ZNF407: variants seen among roughly 807,000 people sequenced by gnomAD.
The protein encoded by ZNF407 is zinc finger protein 407.
In ZNF407, 17 loss-of-function variants were observed where a neutral mutation model predicts 131.2. The observed-to-expected ratio is 0.13, with a 90% confidence interval of 0.09 to 0.19. ZNF407 has a LOEUF of 0.19. Ranked by LOEUF, ZNF407 falls within the 10% of genes least tolerant of loss-of-function variation. The pLI is 1.00. For synonymous variants in ZNF407, 1,156 were observed against 1,062.0 expected, an observed-to-expected ratio of 1.09 and a Z score of -1.72; for missense variants, 2,681 against 2,830.6, an observed-to-expected ratio of 0.95 and a Z score of 1.20.
intron 3 of ZNF407, among the ~76,000 whole-genome samples, chr18:74,772,326 A>ACAAC (rs1599141297): frequency 1.3e-5 from 2 of 152,308 alleles, no homozygotes; most frequent in East Asian, 3.9e-4. Context: ...TTATAGAAAA[A>ACAAC]CAACCCTATA....
chr18:74,849,064 T>TA (rs1272202391), intron 4 of ZNF407, among the ~76,000 whole-genome samples: 9 of 144,524 alleles, frequency 6.2e-5, no homozygotes, highest in South Asian at 2.2e-4. Flanking sequence ...TTTTTTTTTT[T>TA]TTATTTTTTA....
intron 3 of ZNF407, among the ~76,000 whole-genome samples, chr18:74,763,196 C>CTTTTTTTTTTTTTTTTTTTTTTTTT (rs71170316): frequency 5.6e-5 from 1 of 17,784 alleles, no homozygotes; most frequent in Non-Finnish European, 1.2e-4. Context: ...TTCTTAGGAC[C>CTTTTTTTTTTTTTTTTTTTTTTTTT]TTTTTTTTTT....
chr18:74,734,873 G>A (rs978775250), intron 3 of ZNF407, among the ~76,000 whole-genome samples: 1 of 152,014 alleles, frequency 6.6e-6, no homozygotes, highest in Non-Finnish European at 1.5e-5. Flanking sequence ...TAATGTCTAG[G>A]ATACCATAAA....
At chr18:74,719,683 G>A (rs962129819) in intron 3 of ZNF407, among the ~76,000 whole-genome samples, 4 of 152,196 alleles carry the variant, frequency 2.6e-5, no homozygotes, top group African/African-American at 9.7e-5. Flanking sequence ...GATTACGGGC[G>A]TGAGCCACTG....
chr18:74,911,373 C>A (rs1971667952), intron 7 of ZNF407, among the ~76,000 whole-genome samples: 1 of 152,254 alleles, frequency 6.6e-6, no homozygotes, highest in Non-Finnish European at 1.5e-5. Flanking sequence ...TCAAAAAAAT[C>A]TTGTTAGAAT....
chr18:74,972,781 G>A (rs147209506), intron 8 of ZNF407, among the ~76,000 whole-genome samples: 1 of 152,118 alleles, frequency 6.6e-6, no homozygotes, highest in African/African-American at 2.4e-5. Context: ...AAAAATGTAT[G>A]TTAGTATGGT....
chr18:75,063,685 C>T lies in ZNF407; in HGVS notation c.5964C>T (p.Ala1988=), dbSNP rs768791436. ...AGVAPPEASS[A]LDALLCAVTE... is the part of the protein sequence containing the mutation. ...TCGCTCCCCCCGAGGCATCCTCAGCCCTGGATGCATTGCTCTGTGCGGTCA... is the reference window on the plus strand; with the variant it reads ...TCGCTCCCCCCGAGGCATCCTCAGCTCTGGATGCATTGCTCTGTGCGGTCA... The change falls in exon 9 of 9, where the codon GCC becomes GCT. Residue 1988 remains alanine, a synonymous_variant. Coordinates refer to ENST00000299687, the MANE Select transcript of ZNF407 (RefSeq NM_017757.3). This position sits in a 1 kb window ranked among gnomAD's most constrained non-coding sequence, Gnocchi z 6.6. 1.2e-6 allele frequency: 2 copies of T among 1,611,510 alleles called. No homozygotes were observed. The highest frequency in any genetic ancestry group is 1.7e-6 in the Non-Finnish European group (2 of 1,179,462).
At chr18:74,944,067 A>G (rs749619191) in intron 8 of ZNF407, among the ~76,000 whole-genome samples, 6 of 152,178 alleles carry the variant, frequency 3.9e-5, no homozygotes, top group African/African-American at 1.2e-4. Flanking sequence ...TATATAATCC[A>G]TCTAATTATA....
At chr18:74,761,010 G>C (rs1969082964) in intron 3 of ZNF407, among the ~76,000 whole-genome samples, 1 of 151,970 alleles carries the variant, frequency 6.6e-6, no homozygotes, top group Non-Finnish European at 1.5e-5. Flanking sequence ...TCCCATTCTG[G>C]CTGTCCCTCC....
At chr18:74,733,233 G>T (rs1968335529) in intron 3 of ZNF407, among the ~76,000 whole-genome samples, 1 of 151,956 alleles carries the variant, frequency 6.6e-6, no homozygotes. Flanking sequence ...TTGAAATGCT[G>T]CAATAATTGT....
intron 3 of ZNF407, among the ~76,000 whole-genome samples, chr18:74,749,355 C>G (rs544004229): frequency 1.1e-3 from 170 of 152,274 alleles, no homozygotes; most frequent in Non-Finnish European, 1.7e-3. Flanking sequence ...CTGGAAAACA[C>G]TACTTCATCA....
At chr18:74,643,146 T>C (rs1474640706) in intron 3 of ZNF407, among the ~76,000 whole-genome samples, 6 of 151,978 alleles carry the variant, frequency 3.9e-5, no homozygotes, top group Non-Finnish European at 8.8e-5. Flanking sequence ...GTAAAAAACA[T>C]AAAAAAGTGC....
At chr18:74,802,273 C>T (rs1970032860) in intron 4 of ZNF407, among the ~76,000 whole-genome samples, 1 of 152,070 alleles carries the variant, frequency 6.6e-6, no homozygotes, top group Non-Finnish European at 1.5e-5. Context: ...ATTTTAGTGG[C>T]CTTTTAACCT....
At position 74,603,579 on chromosome 18, in the gene ZNF407, C is replaced by T. The variant is rs986074431; in HGVS notation, c.-54+5642C>T. Among the ~76,000 whole-genome samples the T allele has an allele frequency of 8.5e-5, 13 of 152,336 alleles. No homozygotes were observed. In the Middle Eastern group the frequency reaches 0.01, roughly 120 times the overall value. ...AAGGCACCTTTCATAAATTCTGTAC[C>T]GAGGAAGTAGCTTAGGCTTAGGTCT... On this transcript the variant is annotated intron_variant, in intron 1 of 8. Transcript: ENST00000299687.
intron 4 of ZNF407, among the ~76,000 whole-genome samples, chr18:74,795,884 T>G (rs1969909410): frequency 6.6e-6 from 1 of 152,230 alleles, no homozygotes; most frequent in Non-Finnish European, 1.5e-5. Flanking sequence ...AATGGAGTGT[T>G]ATAGAGCCAT....
At chr18:74,940,168 T>C (rs973863521) in intron 8 of ZNF407, among the ~76,000 whole-genome samples, 2 of 152,152 alleles carry the variant, frequency 1.3e-5, no homozygotes, top group African/African-American at 4.8e-5. Flanking sequence ...GGACAGAACA[T>C]ATGTGATTGC....
rs1232753559 is a variant in ZNF407, at chr18:74,634,123, A to G, written c.3104A>G (p.His1035Arg). Residue 1035 changes from histidine (H) to arginine (R), a missense_variant, in exon 2 of 9, where the codon CAT (histidine) becomes CGT (arginine). By Grantham distance (29) the His-to-Arg change is conservative (BLOSUM62 0). This residue lies in a region of ZNF407 where 1,789 missense variants were observed against 1,748.7 expected (regional missense o/e 1.02). Transcript: ENST00000299687. ...SAHSSASLELHVKRKHTKEFE... is the reference protein window; with the variant it reads ...SAHSSASLELRVKRKHTKEFE... ...CACTCCTCTGCTTCTCTAGAGCTGC[A>G]TGTAAAACGGAAACATACAAAAGAG... 6.2e-7 allele frequency: 1 copy of G among 1,613,960 alleles called. No homozygotes were observed. The highest frequency in any genetic ancestry group is 1.3e-5 in the African/African-American group (1 of 74,952).
chr18:74,732,369 G>A (rs1968313872), intron 3 of ZNF407, among the ~76,000 whole-genome samples: 1 of 152,120 alleles, frequency 6.6e-6, no homozygotes, highest in Middle Eastern at 3.2e-3. Flanking sequence ...TGGTTCAGAG[G>A]TTTCCTGGTA....
intron 2 of ZNF407, among the ~76,000 whole-genome samples, chr18:74,639,444 C>T (rs533528855): frequency 6.6e-6 from 1 of 152,150 alleles, no homozygotes; most frequent in Admixed American, 6.5e-5. Context: ...TACAAAAGTC[C>T]CATTATAGAA....
Sources: allele counts gnomAD v4.1 joint callset (sites outside exome capture counted in the v4.1 genomes callset), GRCh38; gene constraint gnomAD v4.1.1; regional missense constraint gnomAD v4.1.1; non-coding constraint Gnocchi (gnomAD v3.1); transcripts MANE v1.5; gene names NCBI Gene and HGNC (gene_info 2026-07-23, HGNC 2026-07-21).